Variants in FIRRM observed in about 807,000 individuals in gnomAD.
FIRRM encodes the protein FIGNL1-interacting regulator of recombination and mitosis.
the FIRRM span, chr1:169,792,765 TAAG>T: frequency 3.9e-5 from 63 of 1,613,420 alleles, no homozygotes; most frequent in Non-Finnish European, 5.3e-5. Context: ...CTTAACAGTC[TAAG>T]GAAAGTCTGG....
the FIRRM span, among the ~76,000 whole-genome samples, chr1:169,822,249 G>T: frequency 6.6e-6 from 1 of 152,178 alleles, no homozygotes; most frequent in Admixed American, 6.5e-5. Context: ...AATGGCAGCT[G>T]CCCAGAAAGA....
At chr1:169,840,929 G>T in the FIRRM span, among the ~76,000 whole-genome samples, 2 of 152,108 alleles carry the variant, frequency 1.3e-5, no homozygotes, top group African/African-American at 4.8e-5. Context: ...TCGTACTTGT[G>T]TGCTGCTTTT....
At chr1:169,793,152 C>A in the FIRRM span, 1 of 1,614,150 alleles carries the variant, frequency 6.2e-7, no homozygotes, top group Non-Finnish European at 8.5e-7. Context: ...TTCACTTTGG[C>A]CTTTGTGAAA....
At chr1:169,819,134 A>G in the FIRRM span, among the ~76,000 whole-genome samples, 6 of 152,308 alleles carry the variant, frequency 3.9e-5, no homozygotes, top group African/African-American at 1.4e-4. Flanking sequence ...CCATTTGTAT[A>G]CTGGATCCTG....
chr1:169,810,996 A>G, the FIRRM span, among the ~76,000 whole-genome samples: 1 of 151,372 alleles, frequency 6.6e-6, no homozygotes, highest in African/African-American at 2.4e-5. Flanking sequence ...AGTAGCTGGG[A>G]CTACAGGCGC....
chr1:169,831,715 T>C, the FIRRM span, among the ~76,000 whole-genome samples: 1 of 152,200 alleles, frequency 6.6e-6, no homozygotes, highest in Non-Finnish European at 1.5e-5. Flanking sequence ...TATATTATGA[T>C]AGGAATTGAT....
At chr1:169,843,665 G>A in the FIRRM span, 1 of 1,594,912 alleles carries the variant, frequency 6.3e-7, no homozygotes, top group East Asian at 2.2e-5. Flanking sequence ...ATTACTTTGT[G>A]TTTCTTAGGT....
At chr1:169,802,118 G>A in the FIRRM span, among the ~76,000 whole-genome samples, 1 of 152,180 alleles carries the variant, frequency 6.6e-6, no homozygotes, top group Non-Finnish European at 1.5e-5. Flanking sequence ...CAAAAAGCTT[G>A]TTTGTAAGGT....
the FIRRM span, among the ~76,000 whole-genome samples, chr1:169,813,632 C>T: frequency 2.0e-5 from 3 of 152,172 alleles, no homozygotes; most frequent in Admixed American, 1.3e-4. Context: ...GAAGTAATTG[C>T]ACTTTGGAGC....
At chr1:169,797,637 C>G in the FIRRM span, among the ~76,000 whole-genome samples, 1 of 152,174 alleles carries the variant, frequency 6.6e-6, no homozygotes, top group South Asian at 2.1e-4. Flanking sequence ...TCACAGCAGC[C>G]AGGTTCAAGT....
At chr1:169,806,945 A>G in the FIRRM span, among the ~76,000 whole-genome samples, 4 of 152,210 alleles carry the variant, frequency 2.6e-5, no homozygotes, top group Non-Finnish European at 5.9e-5. Context: ...TTAATACTCA[A>G]GGAATTAGCC....
At chr1:169,845,368 G>A in the FIRRM span, among the ~76,000 whole-genome samples, 3 of 152,196 alleles carry the variant, frequency 2.0e-5, no homozygotes, top group Admixed American at 2.0e-4. Flanking sequence ...CCATCAGGAT[G>A]GTGGTTGCTG....
At chr1:169,803,116 T>C in the FIRRM span, 1 of 1,563,414 alleles carries the variant, frequency 6.4e-7, no homozygotes, top group South Asian at 1.1e-5. Context: ...GACTAATACC[T>C]TTTCAGTGCA....
At chr1:169,827,918 G>T in the FIRRM span, 2 of 1,467,108 alleles carry the variant, frequency 1.4e-6, no homozygotes, top group Non-Finnish European at 1.8e-6. Flanking sequence ...TTGAAATTAA[G>T]TTTGTGTGTT....
chr1:169,788,866 T>C, the FIRRM span, among the ~76,000 whole-genome samples: 6 of 152,350 alleles, frequency 3.9e-5, no homozygotes, highest in East Asian at 1.2e-3. Flanking sequence ...ACATAGTTTC[T>C]TTCAAACAGA....
chr1:169,829,193 T>TATG, the FIRRM span: 1 of 1,298,874 alleles, frequency 7.7e-7, no homozygotes. Flanking sequence ...CCATGTTACA[T>TATG]ATTATTATTA....
At chr1:169,851,985 C>T in the FIRRM span, 1 of 1,612,960 alleles carries the variant, frequency 6.2e-7, no homozygotes, top group African/African-American at 1.3e-5. Context: ...GCAAATTCTG[C>T]CCTTTTTACT....
At chr1:169,792,997 A>C in the FIRRM span, 3 of 1,614,008 alleles carry the variant, frequency 1.9e-6, no homozygotes, top group African/African-American at 4.0e-5. Context: ...AAGTGGAGTT[A>C]GCTACTACAT....
the FIRRM span, among the ~76,000 whole-genome samples, chr1:169,846,200 G>T: frequency 1.3e-5 from 2 of 152,192 alleles, no homozygotes; most frequent in African/African-American, 4.8e-5. Flanking sequence ...TCTCAATAGT[G>T]GGCCAAAAAA....
Sources: gnomAD v4.1 joint callset for allele counts (sites outside exome capture counted in the v4.1 genomes callset) on GRCh38, gnomAD v4.1.1 for gene constraint, MANE v1.5 for transcripts, NCBI Gene and HGNC (gene_info 2026-07-23, HGNC 2026-07-21) for gene names.